The following FARSB variants were observed in gnomAD, a reference collection of about 807,000 sequenced individuals.
FARSB encodes phenylalanyl-tRNA synthetase subunit beta, also known as phenylalanine--tRNA ligase beta subunit.
Under a neutral mutation model 69.6 loss-of-function variants are expected in FARSB, and 40 were observed. The ratio of observed to expected loss-of-function variants is 0.57; its 90% CI spans 0.45 to 0.75. The LOEUF (loss-of-function observed/expected upper bound fraction) is 0.75, where lower values mean the gene tolerates loss of function less well. Among genes scored for constraint, FARSB ranks in the 30% least tolerant of loss-of-function variants. FARSB has a pLI of 0.00. For synonymous variants in FARSB, 235 were observed against 247.2 expected, an observed-to-expected ratio of 0.95 and a Z score of 0.46; for missense variants, 632 against 722.9, an observed-to-expected ratio of 0.87 and a Z score of 1.44.
At chr2:222,576,454 A>G (rs111277330) in intron 16 of FARSB, among the ~76,000 whole-genome samples, 1,826 of 152,246 alleles carry the variant, frequency 0.012, 16 homozygotes, top group Middle Eastern at 0.017. Context: ...AACAGAAACT[A>G]TCATCATGAG....
rs34378478 is a variant in FARSB, at chr2:222,645,615, CTT to C, written c.115-2612_115-2611del. Among the ~76,000 whole-genome samples, 318 of 144,278 alleles carry C rather than the reference CTT, an allele frequency of 2.2e-3. 2 individuals carry two copies. Among genetic ancestry groups the C allele is most frequent in the Admixed American group, 0.013 (192 of 14,510 alleles). The allele number at this position is 144,278 out of a possible 152,430, so 94.7% of individuals were successfully genotyped here. On this transcript the variant is annotated intron_variant, in intron 2 of 16. Transcript: ENST00000281828. Reference sequence around the variant, plus strand: ...AATTATCTTTTAAATTAAAGTATGTCTTTTTTTTTTTTTGAGAAAAAAATTGG... The same window carrying C: ...AATTATCTTTTAAATTAAAGTATGTCTTTTTTTTTTTGAGAAAAAAATTGG...
intron 16 of FARSB, among the ~76,000 whole-genome samples, chr2:222,573,725 C>A (rs1689768565): frequency 6.6e-6 from 1 of 152,140 alleles, no homozygotes; most frequent in African/African-American, 2.4e-5. Flanking sequence ...TTATTTATCC[C>A]AGCACCCCAG....
chr2:222,590,154 G>A (rs1463084555), intron 16 of FARSB, among the ~76,000 whole-genome samples: 1 of 152,108 alleles, frequency 6.6e-6, no homozygotes, highest in Non-Finnish European at 1.5e-5. Flanking sequence ...AGAAAATGTG[G>A]CACATATACA....
chr2:222,580,687 A>T (rs1240571878), intron 16 of FARSB, among the ~76,000 whole-genome samples: 1 of 152,158 alleles, frequency 6.6e-6, no homozygotes, highest in South Asian at 2.1e-4. Context: ...TGCCTTTAAA[A>T]AAAAATTCCA....
intron 16 of FARSB, among the ~76,000 whole-genome samples, chr2:222,580,174 A>T (rs901299120): frequency 2.6e-5 from 4 of 151,896 alleles, no homozygotes; most frequent in African/African-American, 9.7e-5. Context: ...CCATCTTGGG[A>T]ACTGCTTTTT....
chr2:222,602,892 T>A (rs116413338), intron 15 of FARSB, among the ~76,000 whole-genome samples: 1,946 of 152,238 alleles, frequency 0.013, 39 homozygotes, highest in African/African-American at 0.044. Context: ...TGTTTTGTGC[T>A]ATTATAACAT....
rs758140838 is a variant in FARSB at position 222,624,797 on chromosome 2, A to C, written c.901-22T>G. On this transcript the variant is annotated intron_variant, in intron 10 of 16. Coordinates refer to ENST00000281828, the MANE Select transcript of FARSB (RefSeq NM_005687.5). ...ATTCCTTAAATAGAAAGAGTTTAAA[A>C]AGTAAATCATTTCCCATCAGATACA... The C allele has an allele frequency of 2.7e-6, 4 of 1,477,556 alleles. No homozygotes were observed. In the Admixed American group the frequency reaches 5.4e-5, roughly 20 times the overall value. The allele number at this position is 1,477,556 out of a possible 1,614,324, so 91.5% of individuals were successfully genotyped here. A position where few individuals can be genotyped will look rare whatever the true frequency, so the allele number is the denominator to read the frequency against.
At position 222,623,816 on chromosome 2, in the gene FARSB, C is replaced by T. The variant is rs1024187000; in HGVS notation, c.1171-86G>A. 58 of 825,258 alleles carry T rather than the reference C, an allele frequency of 7.0e-5. No individual in the cohort carries two copies. In the Middle Eastern group the frequency reaches 1.1e-3, roughly 16 times the overall value. 51.1% of individuals were successfully genotyped at this position (825,258 alleles called of 1,614,324 possible). ...ATTTATACAGAACATGCCATTAAAACTTTTTTAAATAAAAATGTTTAAAAG... is the reference window on the plus strand; with the variant it reads ...ATTTATACAGAACATGCCATTAAAATTTTTTTAAATAAAAATGTTTAAAAG... On this transcript the variant is annotated intron_variant, in intron 12 of 16. Transcript: ENST00000281828.
chr2:222,579,904 A>G (rs1689925255), intron 16 of FARSB, among the ~76,000 whole-genome samples: 1 of 152,132 alleles, frequency 6.6e-6, no homozygotes, highest in Non-Finnish European at 1.5e-5. Flanking sequence ...TCCCCTGACA[A>G]CTCTAGGGTG....
At chr2:222,588,950 G>A in intron 16 of FARSB, among the ~76,000 whole-genome samples, 1 of 152,152 alleles carries the variant, frequency 6.6e-6, no homozygotes, top group Admixed American at 6.5e-5. Flanking sequence ...GTAATTTATA[G>A]ATTCAATGCC....
chr2:222,589,943 G>A (rs1690219380), intron 16 of FARSB, among the ~76,000 whole-genome samples: 1 of 152,194 alleles, frequency 6.6e-6, no homozygotes, highest in Admixed American at 6.5e-5. Flanking sequence ...CAACCATTGT[G>A]GAAGACAGTG....
intron 16 of FARSB, among the ~76,000 whole-genome samples, chr2:222,585,412 G>C (rs1690086544): frequency 6.6e-6 from 1 of 152,224 alleles, no homozygotes; most frequent in South Asian, 2.1e-4. Context: ...ACAAAGATGG[G>C]GAGAAACCAG....
At position 222,619,670 on chromosome 2, in the gene FARSB, C is replaced by G; in HGVS notation, c.1319G>C (p.Ser440Thr). The G allele has an allele frequency of 6.2e-7, 1 of 1,602,002 alleles. No homozygotes were observed. Among genetic ancestry groups the G allele is most frequent in the East Asian group, 2.2e-5 (1 of 44,748 alleles). Reference protein sequence around the residue: ...DISATKAVHISNPKTAEFQVA... With the variant: ...DISATKAVHITNPKTAEFQVA... ...CTGAAATTCAGCTGTTTTAGGATTACTTATGTGGACTGCCTTTGTTGCAGA... is the reference window on the plus strand; with the variant it reads ...CTGAAATTCAGCTGTTTTAGGATTAGTTATGTGGACTGCCTTTGTTGCAGA... Residue 440 changes from serine (S) to threonine (T), a missense_variant, in exon 14 of 17, where the codon AGT becomes ACT. By Grantham distance (58) the Ser-to-Thr change is moderately conservative (BLOSUM62 1). Transcript: ENST00000281828.
intron 10 of FARSB, among the ~76,000 whole-genome samples, chr2:222,627,631 G>C (rs144207637): frequency 4.3e-4 from 65 of 152,300 alleles, no homozygotes; most frequent in African/African-American, 1.5e-3. Context: ...ACTGACAATA[G>C]ATATTTAATC....
At chr2:222,619,871 G>A in intron 13 of FARSB, 134 bp from the exon 14 acceptor site, 3 of 522,224 alleles carry the variant, frequency 5.7e-6, no homozygotes, top group South Asian at 3.3e-5. Context: ...GAATAGGCCT[G>A]GTGTGAGCTG....
In FARSB at chr2:222,634,504, C is replaced by T. The variant is rs1294947907; in HGVS notation, c.493G>A (p.Asp165Asn). The T allele has an allele frequency of 2.5e-6, 4 of 1,612,928 alleles. No homozygotes were observed. The highest frequency in any genetic ancestry group is 3.4e-6 in the Non-Finnish European group (4 of 1,179,418). ...ALVAIGTHDL[D>N]TLSGPFTYTA... ...TAAGTAAATGGGCCCGACAAAGTGTCCAAATCATGGGTACCAATGGCAACC... is the reference window on the plus strand; with the variant it reads ...TAAGTAAATGGGCCCGACAAAGTGTTCAAATCATGGGTACCAATGGCAACC... The change falls in exon 6 of 17, where the codon GAC becomes AAC. Residue 165 changes from aspartate (D) to asparagine (N), a missense_variant. By Grantham distance (23) the Asp-to-Asn change is conservative (BLOSUM62 1). Coordinates refer to ENST00000281828, the MANE Select transcript of FARSB (RefSeq NM_005687.5).
chr2:222,581,621 T>A (rs947266560), intron 16 of FARSB, among the ~76,000 whole-genome samples: 3 of 152,168 alleles, frequency 2.0e-5, no homozygotes, highest in African/African-American at 7.2e-5. Flanking sequence ...AGATAAACCA[T>A]AATAGATATG....
At chr2:222,644,432 TG>T in intron 2 of FARSB, 1 of 406,900 alleles carries the variant, frequency 2.5e-6, no homozygotes, top group Non-Finnish European at 5.1e-6. Context: ...AGAAGGGGAA[TG>T]GGGAGAGGCA....
chr2:222,621,384 G>A (rs141005078), intron 13 of FARSB, among the ~76,000 whole-genome samples: 39 of 152,154 alleles, frequency 2.6e-4, no homozygotes, highest in African/African-American at 7.7e-4. Context: ...CACCACACCC[G>A]ACTAATTTTT....
Sources: allele counts gnomAD v4.1 joint callset (sites outside exome capture counted in the v4.1 genomes callset), GRCh38; gene constraint gnomAD v4.1.1; transcripts MANE v1.5; gene names NCBI Gene and HGNC (gene_info 2026-07-23, HGNC 2026-07-21).